Variants in CTNNA3 observed in about 807,000 individuals in gnomAD.
The protein encoded by CTNNA3 is catenin alpha-3.
Under a neutral mutation model 95.7 loss-of-function variants are expected in CTNNA3, and 76 were observed. The ratio of observed to expected loss-of-function variants is 0.79; its 90% confidence interval spans 0.66 to 0.96. CTNNA3 has a LOEUF of 0.96. CTNNA3 is among the 40% of genes least tolerant of loss of function. The probability of loss-of-function intolerance (pLI) is 0.00; values close to 1 mark genes in which losing one functional copy is unlikely to be tolerated. For synonymous variants in CTNNA3, 431 were observed against 374.4 expected, an observed-to-expected ratio of 1.15 and a Z score of -1.74; for missense variants, 1,191 against 1,089.8, an observed-to-expected ratio of 1.09 and a Z score of -1.31.
At chr10:66,477,541 T>C (rs1331229772) in intron 11 of CTNNA3, among the ~76,000 whole-genome samples, 1 of 151,940 alleles carries the variant, frequency 6.6e-6, no homozygotes, top group Non-Finnish European at 1.5e-5. Context: ...GAAAATTCAC[T>C]CAAACTCATG....
At chr10:66,849,470 T>C (rs568022892) in intron 7 of CTNNA3, among the ~76,000 whole-genome samples, 1 of 152,198 alleles carries the variant, frequency 6.6e-6, no homozygotes. Flanking sequence ...CCAAAATTCA[T>C]GTCAACCTGG....
chr10:65,964,478 G>A (rs2004097497), intron 17 of CTNNA3, among the ~76,000 whole-genome samples: 1 of 152,030 alleles, frequency 6.6e-6, no homozygotes, highest in Admixed American at 6.6e-5. Flanking sequence ...TAATTTATCT[G>A]TAATATATGT....
intron 15 of CTNNA3, among the ~76,000 whole-genome samples, chr10:66,057,587 A>G (rs1589304325): frequency 6.6e-6 from 1 of 152,176 alleles, no homozygotes; most frequent in South Asian, 2.1e-4. Context: ...CATCAGCATT[A>G]CTAAATAGTT....
intron 13 of CTNNA3, among the ~76,000 whole-genome samples, chr10:66,130,234 T>C (rs925243471): frequency 6.6e-6 from 1 of 152,142 alleles, no homozygotes; most frequent in African/African-American, 2.4e-5. Context: ...GGGAAATTTG[T>C]AGCACTAAAT....
chr10:67,238,081 G>A (rs1865574012), intron 5 of CTNNA3, among the ~76,000 whole-genome samples: 1 of 152,140 alleles, frequency 6.6e-6, no homozygotes, highest in Non-Finnish European at 1.5e-5. Flanking sequence ...TCACCACAAT[G>A]AGAATACAGA....
chr10:66,995,576 C>T, intron 7 of CTNNA3, among the ~76,000 whole-genome samples: 1 of 152,206 alleles, frequency 6.6e-6, no homozygotes, highest in Non-Finnish European at 1.5e-5. Context: ...GGATAAATTA[C>T]AAATCCTTAA....
At chr10:67,216,052 C>T (rs181157609) in intron 6 of CTNNA3, among the ~76,000 whole-genome samples, 131 of 152,222 alleles carry the variant, frequency 8.6e-4, no homozygotes, top group Admixed American at 1.8e-3. Context: ...AGAAACCAAA[C>T]CATTTTTTAA....
chr10:66,655,339 G>A (rs1329228778), intron 9 of CTNNA3, among the ~76,000 whole-genome samples: 1 of 151,944 alleles, frequency 6.6e-6, no homozygotes, highest in African/African-American at 2.4e-5. Flanking sequence ...ATACAATCTA[G>A]TACTAAACCT....
At chr10:67,351,892 G>T (rs147977091) in intron 5 of CTNNA3, among the ~76,000 whole-genome samples, 11 of 152,064 alleles carry the variant, frequency 7.2e-5, no homozygotes, top group African/African-American at 2.4e-4. Flanking sequence ...CTCTGTTAGA[G>T]AAAATAATTT....
intron 5 of CTNNA3, among the ~76,000 whole-genome samples, chr10:67,503,953 C>A (rs540128234): frequency 7.9e-5 from 12 of 152,092 alleles, no homozygotes; most frequent in African/African-American, 2.2e-4. Flanking sequence ...GTCAGGAGAT[C>A]AAGACCATCC....
chr10:67,740,869 T>C (rs1156851834), intron 1 of CTNNA3, among the ~76,000 whole-genome samples: 1 of 151,378 alleles, frequency 6.6e-6, no homozygotes, highest in African/African-American at 2.4e-5. Flanking sequence ...CGTATGTTTA[T>C]TGCAGCACTA....
intron 13 of CTNNA3, 68 bp downstream of exon 13, chr10:66,280,402 A>T (rs1255482059): frequency 4.5e-6 from 6 of 1,333,796 alleles, no homozygotes; most frequent in Non-Finnish European, 6.3e-6. Context: ...CATTTCTTGC[A>T]GTCATCCCAG....
At chr10:67,257,967 T>C (rs1427820713) in intron 5 of CTNNA3, among the ~76,000 whole-genome samples, 3 of 152,202 alleles carry the variant, frequency 2.0e-5, no homozygotes, top group African/African-American at 7.2e-5. Context: ...CAAGAGTTCA[T>C]GAAATCATTT....
At chr10:65,932,758 A>G (rs1386085332) in intron 17 of CTNNA3, among the ~76,000 whole-genome samples, 1 of 152,162 alleles carries the variant, frequency 6.6e-6, no homozygotes, top group Non-Finnish European at 1.5e-5. Context: ...GTACTAAGAT[A>G]TTCTTCCTCT....
chr10:66,328,903 C>CAT (rs1373542543), intron 12 of CTNNA3, among the ~76,000 whole-genome samples: 3 of 38,766 alleles, frequency 7.7e-5, no homozygotes, highest in Non-Finnish European at 1.4e-4. Context: ...CACACACACA[C>CAT]ATATATACAT....
intron 15 of CTNNA3, among the ~76,000 whole-genome samples, chr10:66,026,567 A>G (rs1341331769): frequency 6.6e-6 from 1 of 152,148 alleles, no homozygotes; most frequent in African/African-American, 2.4e-5. Flanking sequence ...AGTCTAAAAT[A>G]TTGGCATTCT....
intron 5 of CTNNA3, among the ~76,000 whole-genome samples, chr10:67,368,200 T>G (rs1180461797): frequency 6.6e-6 from 1 of 152,116 alleles, no homozygotes; most frequent in Non-Finnish European, 1.5e-5. Context: ...AACAAAAGAT[T>G]GAACCTAACA....
intron 5 of CTNNA3, among the ~76,000 whole-genome samples, chr10:67,424,971 A>G (rs943301739): frequency 6.6e-6 from 1 of 152,126 alleles, no homozygotes; most frequent in African/African-American, 2.4e-5. Flanking sequence ...ATTTTTAAAA[A>G]GCGTGTATTA....
chr10:66,284,615 A>C (rs533856418), intron 12 of CTNNA3, among the ~76,000 whole-genome samples: 2 of 152,026 alleles, frequency 1.3e-5, no homozygotes, highest in South Asian at 2.1e-4. Context: ...TATTATGTGC[A>C]TTTGAAAGTA....
Sources: gnomAD v4.1 joint callset for allele counts (sites outside exome capture counted in the v4.1 genomes callset) on GRCh38, gnomAD v4.1.1 for gene constraint, MANE v1.5 for transcripts, NCBI Gene and HGNC (gene_info 2026-07-23, HGNC 2026-07-21) for gene names.